Variants in FSTL4 observed in about 807,000 individuals in gnomAD.
The protein encoded by FSTL4 is follistatin like 4, also known as follistatin-related protein 4.
FSTL4 carries 28 observed loss-of-function variants against 78.2 expected under a neutral mutation model. That is an observed-to-expected ratio of 0.36 (90% CI 0.27 to 0.49). The LOEUF is 0.49. Ranked by LOEUF, FSTL4 falls within the 20% of genes least tolerant of loss-of-function variation. The probability of loss-of-function intolerance (pLI) is 0.98; values close to 1 mark genes in which losing one functional copy is unlikely to be tolerated. For missense variants in FSTL4, 922 were observed against 1,084.9 expected (o/e 0.85, Z 2.11); for synonymous variants, 422 against 440.5 (o/e 0.96, Z 0.53).
chr5:133,804,933 A>G, the FSTL4 span, among the ~76,000 whole-genome samples: 323 of 88,820 alleles, frequency 3.6e-3, no homozygotes, highest in African/African-American at 0.014. Context: ...ACAGAGTGAG[A>G]CTCCGTCTCA....
the FSTL4 span, among the ~76,000 whole-genome samples, chr5:133,785,392 G>C: frequency 2.0e-5 from 3 of 152,308 alleles, no homozygotes; most frequent in East Asian, 5.8e-4. Context: ...CCTTTAGCAA[G>C]TAACTCACCT....
At chr5:133,806,488 T>C in the FSTL4 span, among the ~76,000 whole-genome samples, 28,411 of 152,226 alleles carry the variant, frequency 0.19, 3,182 homozygotes, top group East Asian at 0.52. Context: ...CAGGCCTCCT[T>C]ATCACAGTAT....
chr5:133,232,271 C>T (rs6596114), intron 8 of FSTL4, among the ~76,000 whole-genome samples: 66,547 of 152,044 alleles, frequency 0.44, 15,070 homozygotes, highest in East Asian at 0.7. Context: ...TCAACCAAAT[C>T]AGGGCAGAGT....
chr5:133,678,090 T>C, the FSTL4 span, among the ~76,000 whole-genome samples: 15 of 152,344 alleles, frequency 9.8e-5, no homozygotes, highest in Middle Eastern at 3.4e-3. Flanking sequence ...TCTCTTAGCA[T>C]TTTTCAAGAA....
intron 4 of FSTL4, among the ~76,000 whole-genome samples, chr5:133,349,006 G>C (rs1754759711): frequency 6.6e-6 from 1 of 152,194 alleles, no homozygotes; most frequent in South Asian, 2.1e-4. Context: ...CTGCCACTTA[G>C]AGTCCTGACA....
the FSTL4 span, among the ~76,000 whole-genome samples, chr5:133,817,334 G>A: frequency 6.6e-6 from 1 of 152,170 alleles, no homozygotes; most frequent in African/African-American, 2.4e-5. Context: ...GAGTTCCACT[G>A]TATCAGTCAC....
chr5:133,230,816 C>G (rs552710936), intron 8 of FSTL4, among the ~76,000 whole-genome samples: 1 of 152,176 alleles, frequency 6.6e-6, no homozygotes, highest in Non-Finnish European at 1.5e-5. Flanking sequence ...AACCTTCTGT[C>G]GTGCCTTCTG....
chr5:133,595,750 T>G (rs923434403), intron 2 of FSTL4, among the ~76,000 whole-genome samples: 25 of 152,242 alleles, frequency 1.6e-4, no homozygotes, highest in African/African-American at 6.0e-4. Flanking sequence ...GCACCTCATG[T>G]ACCATCTTAG....
At chr5:133,205,298 C>T (rs1485392555) in intron 14 of FSTL4, among the ~76,000 whole-genome samples, 1 of 152,146 alleles carries the variant, frequency 6.6e-6, no homozygotes, top group Non-Finnish European at 1.5e-5. Context: ...AGACTGATTT[C>T]CTGACAGTGA....
At chr5:133,802,551 C>G in the FSTL4 span, among the ~76,000 whole-genome samples, 1 of 152,222 alleles carries the variant, frequency 6.6e-6, no homozygotes, top group Non-Finnish European at 1.5e-5. Flanking sequence ...CTTACCAGAG[C>G]TGGGAAAGGG....
chr5:133,339,400 T>C (rs1159763443), intron 4 of FSTL4, among the ~76,000 whole-genome samples: 1 of 152,124 alleles, frequency 6.6e-6, no homozygotes, highest in Non-Finnish European at 1.5e-5. Context: ...AGCTGGCACG[T>C]GGCTTTCCTG....
At chr5:133,325,879 C>T (rs1241596245) in intron 4 of FSTL4, among the ~76,000 whole-genome samples, 1 of 152,220 alleles carries the variant, frequency 6.6e-6, no homozygotes, top group Non-Finnish European at 1.5e-5. Context: ...CACTGGTTCC[C>T]ACACTTTCCC....
chr5:133,841,164 A>G, the FSTL4 span, among the ~76,000 whole-genome samples: 1 of 152,188 alleles, frequency 6.6e-6, no homozygotes. Flanking sequence ...TCTCTGACCC[A>G]CTGGGATGGG....
At chr5:133,632,533 C>G in the FSTL4 span, among the ~76,000 whole-genome samples, 1 of 152,148 alleles carries the variant, frequency 6.6e-6, no homozygotes, top group African/African-American at 2.4e-5. Context: ...TTTTCCTTTT[C>G]CTAGGAATTG....
intron 6 of FSTL4, among the ~76,000 whole-genome samples, chr5:133,276,968 C>T (rs1423064113): frequency 3.3e-5 from 5 of 152,056 alleles, no homozygotes; most frequent in South Asian, 2.1e-4. Context: ...TGTATGAGTC[C>T]GTTGATACAA....
chr5:133,374,588 A>G (rs72803149), intron 4 of FSTL4, among the ~76,000 whole-genome samples: 53 of 152,222 alleles, frequency 3.5e-4, no homozygotes, highest in Non-Finnish European at 5.9e-4. Flanking sequence ...TGTCTCCCCA[A>G]ATTCATATGC....
intron 3 of FSTL4, among the ~76,000 whole-genome samples, chr5:133,529,429 C>T (rs1759204299): frequency 6.6e-6 from 1 of 152,184 alleles, no homozygotes; most frequent in Admixed American, 6.5e-5. Context: ...ACAGTCAGCC[C>T]AGGAACCTAC....
the FSTL4 span, among the ~76,000 whole-genome samples, chr5:133,701,588 T>C: frequency 6.6e-6 from 1 of 151,670 alleles, no homozygotes; most frequent in African/African-American, 2.4e-5. Context: ...CACAGTTCAG[T>C]ACTGCACAAT....
At chr5:133,352,345 C>CATAT (rs564263500) in intron 4 of FSTL4, among the ~76,000 whole-genome samples, 1 of 143,026 alleles carries the variant, frequency 7.0e-6, no homozygotes, top group African/African-American at 2.6e-5. Context: ...TATATATACA[C>CATAT]ATATATATAC....
Sources: gnomAD v4.1 joint callset for allele counts (sites outside exome capture counted in the v4.1 genomes callset) on GRCh38, gnomAD v4.1.1 for gene constraint, MANE v1.5 for transcripts, NCBI Gene and HGNC (gene_info 2026-07-23, HGNC 2026-07-21) for gene names.